Variants in L3HYPDH observed in about 807,000 individuals in gnomAD.
The protein encoded by L3HYPDH is trans-3-hydroxy-L-proline dehydratase.
In L3HYPDH, 32 loss-of-function variants were observed where a neutral mutation model predicts 26.5. That is an observed-to-expected ratio of 1.21 (90% CI 0.91 to 1.62). The LOEUF is 1.62. L3HYPDH is among the 40% of genes most tolerant of loss of function. L3HYPDH has a pLI of 0.00. For missense variants in L3HYPDH, 554 were observed against 476.4 expected (o/e 1.16, Z -1.52); for synonymous variants, 215 against 196.6 (o/e 1.09, Z -0.78).
chr14:59,492,797 ATT>A, the L3HYPDH span, among the ~76,000 whole-genome samples: 48,233 of 131,412 alleles, frequency 0.37, 8,744 homozygotes, highest in African/African-American at 0.46. Flanking sequence ...GAGAGCTGCT[ATT>A]TTTTTTTTTT....
At chr14:59,500,981 G>C in the L3HYPDH span, 1 of 498,176 alleles carries the variant, frequency 2.0e-6, no homozygotes. Flanking sequence ...GGGTAATCGA[G>C]ACAGAGAAAT....
At chr14:59,499,997 A>G in the L3HYPDH span, among the ~76,000 whole-genome samples, 1 of 152,208 alleles carries the variant, frequency 6.6e-6, no homozygotes, top group Non-Finnish European at 1.5e-5. Flanking sequence ...GAGTGACATG[A>G]TTACATTTGC....
At chr14:59,479,379 G>C in intron 1 of L3HYPDH, 28 bp from the exon 2 acceptor site, 3 of 1,591,426 alleles carry the variant, frequency 1.9e-6, no homozygotes, top group Non-Finnish European at 2.6e-6. Flanking sequence ...TTGGAAAGAA[G>C]ATGTGTTTGT....
At chr14:59,487,836 C>A (rs771452489), upstream of L3HYPDH, 3 of 1,611,948 alleles carry the variant, frequency 1.9e-6, no homozygotes, top group East Asian at 6.7e-5. Flanking sequence ...GAGGTTAGCA[C>A]ATTTCTATGA....
chr14:59,484,567 C>G (rs758532393), upstream of L3HYPDH: 1 of 1,572,034 alleles, frequency 6.4e-7, no homozygotes, highest in South Asian at 1.2e-5. Flanking sequence ...TAGTGCTTCT[C>G]GAAAAAAACC....
the L3HYPDH span, among the ~76,000 whole-genome samples, chr14:59,494,198 GA>G: frequency 1.2e-4 from 18 of 149,672 alleles, 1 homozygote; most frequent in South Asian, 4.2e-4. Context: ...CTGCTAAGTA[GA>G]AAAAAAAATA....
At chr14:59,493,617 G>A in the L3HYPDH span, among the ~76,000 whole-genome samples, 1 of 152,290 alleles carries the variant, frequency 6.6e-6, no homozygotes, top group Non-Finnish European at 1.5e-5. Context: ...TAAAAAGGTT[G>A]ACTATAAGAT....
upstream of L3HYPDH, chr14:59,487,890 G>T: frequency 4.2e-6 from 6 of 1,433,774 alleles, no homozygotes; most frequent in African/African-American, 1.4e-5. Flanking sequence ...TCACTCAGAA[G>T]ACCTTATTAA....
chr14:59,501,195 C>T, the L3HYPDH span: 355 of 1,578,150 alleles, frequency 2.2e-4, no homozygotes, highest in African/African-American at 2.0e-3. Context: ...TTTCAGATTA[C>T]GCCTTCCCAT....
chr14:59,491,142 A>G, the L3HYPDH span, among the ~76,000 whole-genome samples: 1 of 152,216 alleles, frequency 6.6e-6, no homozygotes, highest in African/African-American at 2.4e-5. Context: ...AATGTTCATA[A>G]AAACTGGGGA....
chr14:59,473,756 C>G (rs1200865884), intron 4 of L3HYPDH, among the ~76,000 whole-genome samples: 1 of 151,858 alleles, frequency 6.6e-6, no homozygotes, highest in Non-Finnish European at 1.5e-5. Flanking sequence ...AGAACTGAAG[C>G]CTAGGAAGTG....
chr14:59,470,862 G>A (rs12897253), downstream of L3HYPDH, among the ~76,000 whole-genome samples: 59,412 of 150,700 alleles, frequency 0.39, 12,754 homozygotes, highest in African/African-American at 0.56. Flanking sequence ...CATCCACAGA[G>A]GGAAGGAGGG....
chr14:59,484,609 G>C, upstream of L3HYPDH: 2 of 1,579,100 alleles, frequency 1.3e-6, no homozygotes, highest in Non-Finnish European at 1.7e-6. Context: ...TGGTCGCCAA[G>C]ATCCCGGGAA....
At chr14:59,495,406 G>A in the L3HYPDH span, 1 of 571,676 alleles carries the variant, frequency 1.7e-6, no homozygotes, top group Non-Finnish European at 3.1e-6. Context: ...TGGTAAAATG[G>A]GAATAATGAT....
chr14:59,473,078 C>A lies in L3HYPDH; in HGVS notation c.952G>T (p.Gly318Cys). Residue 318 changes from glycine to cysteine, a missense_variant, in exon 5 of 5, where the codon GGT becomes TGT. By Grantham distance (159) the Gly-to-Cys change is radical (BLOSUM62 -3). Coordinates refer to ENST00000247194, the MANE Select transcript of L3HYPDH (RefSeq NM_144581.2). ...TGKAVREAKCGDFKAVIVEVS... is the reference protein window; with the variant it reads ...TGKAVREAKCCDFKAVIVEVS... ...TCCACTATAACAGCTTTAAAATCAC[C>A]ACATTTCGCTTCCTGAAAAAAGATG... is the stretch of plus-strand genomic sequence containing the variant. 1.3e-6 allele frequency: 2 copies of A among 1,593,052 alleles called. No homozygotes were observed. The highest frequency in any genetic ancestry group is 1.7e-6 in the Non-Finnish European group (2 of 1,173,234).
At chr14:59,504,116 TAAA>T in the L3HYPDH span, 2 of 1,160,432 alleles carry the variant, frequency 1.7e-6, no homozygotes, top group Non-Finnish European at 2.6e-6. Context: ...GTGCTCCTAA[TAAA>T]AAAGTAAATC....
At chr14:59,474,211 G>A (rs1043828924) in intron 4 of L3HYPDH, among the ~76,000 whole-genome samples, 1 of 152,110 alleles carries the variant, frequency 6.6e-6, no homozygotes, top group Non-Finnish European at 1.5e-5. Flanking sequence ...CCAAGGGCAT[G>A]GTGCCCAGCC....
rs961489221 is a variant in L3HYPDH, at chr14:59,473,049, T to C, written c.981A>G (p.Val327=). Residue 327 remains valine, a synonymous_variant, in exon 5 of 5, where the codon GTA becomes GTG. Coordinates refer to ENST00000247194, the MANE Select transcript of L3HYPDH (RefSeq NM_144581.2). ...CGDFKAVIVE[V]SGQAHYTGTA... is the part of the protein sequence containing the mutation. ...TACCCGTGTAATGGGCTTGTCCTGA[T>C]ACTTCCACTATAACAGCTTTAAAAT... is the stretch of plus-strand genomic sequence containing the variant. 4 of 1,607,752 alleles carry C rather than the reference T, an allele frequency of 2.5e-6. No individual in the cohort carries two copies. The highest frequency in any genetic ancestry group is 1.1e-5 in the South Asian group (1 of 89,988).
At chr14:59,483,773 A>T in intron 1 of L3HYPDH, 36 bp downstream of exon 1, 1 of 1,583,686 alleles carries the variant, frequency 6.3e-7, no homozygotes, top group Non-Finnish European at 8.5e-7. Context: ...TCCCGGTTGC[A>T]GCTCTGCCCT....
Sources: allele counts gnomAD v4.1 joint callset (sites outside exome capture counted in the v4.1 genomes callset), GRCh38; gene constraint gnomAD v4.1.1; transcripts MANE v1.5; gene names NCBI Gene and HGNC (gene_info 2026-07-23, HGNC 2026-07-21).